The following GRM8 variants were observed in gnomAD, a reference collection of about 807,000 sequenced individuals.
GRM8 encodes the protein glutamate metabotropic receptor 8.
In GRM8, 47 loss-of-function variants were observed where a neutral mutation model predicts 87.2. The observed-to-expected ratio is 0.54, with a 90% confidence interval of 0.43 to 0.69. The LOEUF is 0.69. GRM8 is among the 30% of genes least tolerant of loss of function. The pLI is 0.00. For synonymous variants in GRM8, 396 were observed against 404.5 expected (o/e 0.98, Z 0.25); for missense variants, 1,019 against 1,139.2 (o/e 0.89, Z 1.52).
chr7:126,962,811 A>C (rs1586607871), intron 3 of GRM8, among the ~76,000 whole-genome samples: 1 of 152,208 alleles, frequency 6.6e-6, no homozygotes, highest in East Asian at 1.9e-4. Context: ...TGCTCTGGCC[A>C]GTGGTTTGCC....
chr7:126,981,232 T>C (rs1449266104), intron 3 of GRM8: 2 of 152,348 alleles, frequency 1.3e-5, no homozygotes, highest in African/African-American at 4.8e-5. Context: ...GCTCTGGGGC[T>C]AAAATTGCAG....
chr7:127,092,338 G>A (rs1370498295), intron 3 of GRM8, among the ~76,000 whole-genome samples: 1 of 152,050 alleles, frequency 6.6e-6, no homozygotes, highest in Non-Finnish European at 1.5e-5. Flanking sequence ...ATCTAACTTG[G>A]GTGGGAAGAG....
chr7:126,494,305 C>T (rs1235952822), intron 9 of GRM8, among the ~76,000 whole-genome samples: 1 of 147,630 alleles, frequency 6.8e-6, no homozygotes, highest in Non-Finnish European at 1.5e-5. Context: ...AATAGATGCA[C>T]ACACTACTTA....
intron 9 of GRM8, among the ~76,000 whole-genome samples, chr7:126,454,330 G>A (rs1309459790): frequency 2.0e-5 from 3 of 151,698 alleles, no homozygotes; most frequent in Non-Finnish European, 4.4e-5. Context: ...TTCAGGTTGT[G>A]TTATCTAAGG....
At chr7:126,471,890 T>A (rs192979414) in intron 9 of GRM8, among the ~76,000 whole-genome samples, 4,245 of 152,276 alleles carry the variant, frequency 0.028, 158 homozygotes, top group African/African-American at 0.078. Context: ...GTAGTTCTCC[T>A]TGAAGAGGTC....
intron 6 of GRM8, among the ~76,000 whole-genome samples, chr7:126,799,066 G>A (rs1822333948): frequency 6.6e-6 from 1 of 152,078 alleles, no homozygotes. Flanking sequence ...AAGACATAGA[G>A]GGACTAAAAT....
At chr7:127,194,390 T>A (rs565422346) in intron 2 of GRM8, among the ~76,000 whole-genome samples, 48 of 152,202 alleles carry the variant, frequency 3.2e-4, no homozygotes, top group Non-Finnish European at 5.9e-5. Flanking sequence ...ACTGTTATTA[T>A]CAGGGTGTCA....
intron 8 of GRM8, among the ~76,000 whole-genome samples, chr7:126,539,936 A>G (rs10257312): frequency 2.0e-4 from 30 of 152,174 alleles, no homozygotes; most frequent in Middle Eastern, 3.4e-3. Flanking sequence ...ACAACAACAA[A>G]AAAAATAAAT....
intron 2 of GRM8, among the ~76,000 whole-genome samples, chr7:127,230,356 G>A (rs1222171196): frequency 6.6e-6 from 1 of 152,096 alleles, no homozygotes; most frequent in Non-Finnish European, 1.5e-5. Context: ...GAGGGAAAGA[G>A]GTTTCCACAT....
chr7:126,519,571 C>A (rs1812674442), intron 9 of GRM8, among the ~76,000 whole-genome samples: 1 of 152,058 alleles, frequency 6.6e-6, no homozygotes. Flanking sequence ...CCACTTCTGG[C>A]TCAAACAGTG....
intron 2 of GRM8, among the ~76,000 whole-genome samples, chr7:127,115,809 C>A (rs1268042388): frequency 1.3e-5 from 2 of 152,116 alleles, no homozygotes; most frequent in Non-Finnish European, 2.9e-5. Flanking sequence ...GATTTAAAAC[C>A]TTCACTTTCA....
At chr7:127,109,401 C>T (rs908522370) in intron 2 of GRM8, among the ~76,000 whole-genome samples, 3 of 152,302 alleles carry the variant, frequency 2.0e-5, no homozygotes, top group East Asian at 1.9e-4. Context: ...ACAAACTCTT[C>T]GGTCTGGTTC....
At chr7:126,691,158 G>A (rs1808766108) in intron 7 of GRM8, among the ~76,000 whole-genome samples, 1 of 152,204 alleles carries the variant, frequency 6.6e-6, no homozygotes, top group South Asian at 2.1e-4. Flanking sequence ...ACACTGAGCT[G>A]CCCTTAGCCC....
At chr7:126,936,215 T>A (rs1440151830) in intron 3 of GRM8, among the ~76,000 whole-genome samples, 4 of 152,200 alleles carry the variant, frequency 2.6e-5, no homozygotes, top group Admixed American at 6.5e-5. Flanking sequence ...AAACGTTTGA[T>A]CACTTGTCCT....
At chr7:126,659,227 C>G (rs1404865387) in intron 7 of GRM8, among the ~76,000 whole-genome samples, 1 of 152,150 alleles carries the variant, frequency 6.6e-6, no homozygotes, top group Non-Finnish European at 1.5e-5. Flanking sequence ...ACCACCCTGA[C>G]CGATCTCCTA....
chr7:127,094,481 G>T (rs1251692125), intron 3 of GRM8, among the ~76,000 whole-genome samples: 2 of 152,232 alleles, frequency 1.3e-5, no homozygotes, highest in Non-Finnish European at 2.9e-5. Flanking sequence ...CGGCAGCCAT[G>T]ACTGGGGAGA....
chr7:126,627,513 A>G (rs183745121), intron 7 of GRM8, among the ~76,000 whole-genome samples: 1 of 152,264 alleles, frequency 6.6e-6, no homozygotes. Flanking sequence ...TGTCTCCCTT[A>G]ACAGTTCTTG....
intron 7 of GRM8, among the ~76,000 whole-genome samples, chr7:126,662,538 AG>A (rs1442445418): frequency 6.6e-6 from 1 of 152,122 alleles, no homozygotes; most frequent in Non-Finnish European, 1.5e-5. Context: ...AAAACAAAAA[AG>A]GTGGGGGCAG....
At chr7:126,723,916 T>C (rs1812695380) in intron 7 of GRM8, among the ~76,000 whole-genome samples, 1 of 152,134 alleles carries the variant, frequency 6.6e-6, no homozygotes, top group South Asian at 2.1e-4. Context: ...AAACTGTTAA[T>C]TTTAGTAAAG....
Sources: gnomAD v4.1 joint callset for allele counts (sites outside exome capture counted in the v4.1 genomes callset) on GRCh38, gnomAD v4.1.1 for gene constraint, MANE v1.5 for transcripts, NCBI Gene and HGNC (gene_info 2026-07-23, HGNC 2026-07-21) for gene names.